TNPO3: variants seen among roughly 807,000 people sequenced by gnomAD.
TNPO3 encodes transportin 3.
In TNPO3, 65 loss-of-function variants were observed where a neutral mutation model predicts 122.8. The ratio of observed to expected loss-of-function variants is 0.53; its 90% confidence interval spans 0.43 to 0.65. The LOEUF is 0.65. Among genes scored for constraint, TNPO3 ranks in the 30% least tolerant of loss-of-function variants. The probability of loss-of-function intolerance (pLI) is 0.00; values close to 1 mark genes in which losing one functional copy is unlikely to be tolerated. For synonymous variants in TNPO3, 372 were observed against 411.2 expected (o/e 0.90, Z 1.15); for missense variants, 850 against 1,136.7 (o/e 0.75, Z 3.63).
intron 11 of TNPO3, among the ~76,000 whole-genome samples, chr7:128,988,683 T>C (rs1191339989): frequency 6.6e-6 from 1 of 152,186 alleles, no homozygotes; most frequent in Non-Finnish European, 1.5e-5. Flanking sequence ...ATCTACTATG[T>C]TTCTTGGTGG....
chr7:129,044,122 T>C (rs1478710609), intron 1 of TNPO3, among the ~76,000 whole-genome samples: 1 of 152,242 alleles, frequency 6.6e-6, no homozygotes, highest in African/African-American at 2.4e-5. Flanking sequence ...TGAATGCTTA[T>C]TTATATAAAA....
chr7:128,991,541 G>T (rs1401836684), intron 10 of TNPO3, among the ~76,000 whole-genome samples: 1 of 152,168 alleles, frequency 6.6e-6, no homozygotes, highest in Non-Finnish European at 1.5e-5. Flanking sequence ...TTGCCCTTTA[G>T]ATCTGGCTCT....
intron 14 of TNPO3, among the ~76,000 whole-genome samples, chr7:128,980,883 G>C (rs1799562199): frequency 6.6e-6 from 1 of 152,056 alleles, no homozygotes; most frequent in Non-Finnish European, 1.5e-5. Context: ...AGATGTTGTA[G>C]TTCTAGTTTG....
At chr7:129,027,681 G>A (rs1295925269) in intron 1 of TNPO3, among the ~76,000 whole-genome samples, 2 of 150,486 alleles carry the variant, frequency 1.3e-5, no homozygotes, top group African/African-American at 4.9e-5. Context: ...CCAGAAAGAA[G>A]GGAATGGAAG....
intron 4 of TNPO3, among the ~76,000 whole-genome samples, chr7:129,012,302 A>G (rs1476323356): frequency 1.3e-5 from 2 of 152,130 alleles, no homozygotes; most frequent in Non-Finnish European, 2.9e-5. Flanking sequence ...CACTGCACCC[A>G]GCCCTCCAAT....
chr7:129,003,318 T>TTAA (rs1802206139), intron 5 of TNPO3, among the ~76,000 whole-genome samples: 2 of 146,354 alleles, frequency 1.4e-5, no homozygotes, highest in African/African-American at 2.6e-5. Flanking sequence ...TTTTTTTTTT[T>TTAA]AAGAGCTGTT....
chr7:128,981,491 A>C (rs561774347), intron 14 of TNPO3, among the ~76,000 whole-genome samples: 1 of 152,300 alleles, frequency 6.6e-6, no homozygotes, highest in South Asian at 2.1e-4. Flanking sequence ...TGGTTCTGAA[A>C]GTATGGTCTC....
intron 1 of TNPO3, among the ~76,000 whole-genome samples, chr7:129,053,857 TA>T (rs2150582387): frequency 6.6e-6 from 1 of 152,196 alleles, no homozygotes; most frequent in Admixed American, 6.5e-5. Context: ...GTGTGAAAAT[TA>T]GGGCAGGAAG....
intron 11 of TNPO3, 147 bp from the exon 12 acceptor site, chr7:128,987,067 A>T: frequency 1.3e-6 from 1 of 771,130 alleles, no homozygotes; most frequent in Non-Finnish European, 2.0e-6. Context: ...ACAATAAATA[A>T]AACACATAAA....
In TNPO3 at chr7:129,001,102, C is replaced by G. The variant is rs1801898650; in HGVS notation, c.829G>C (p.Glu277Gln). 1 of 1,614,032 alleles carries G rather than the reference C, an allele frequency of 6.2e-7. No homozygotes were observed. Among genetic ancestry groups the G allele is most frequent in the Non-Finnish European group, 8.5e-7 (1 of 1,180,004 alleles). The change falls in exon 6 of 23, where the codon GAG becomes CAG. Residue 277 changes from glutamate (E) to glutamine (Q), a missense_variant. Coordinates refer to ENST00000265388, the MANE Select transcript of TNPO3 (RefSeq NM_012470.4). ...MQLFQGVLTL[E>Q]TAYHMAVARE... Reference sequence around the variant, plus strand: ...GCCACGGCCATATGATAGGCAGTCTCCAATGTCAGCACTCCCTGAAAAAGT... The same window carrying G: ...GCCACGGCCATATGATAGGCAGTCTGCAATGTCAGCACTCCCTGAAAAAGT...
chr7:129,022,661 TTTA>T (rs1266281220), intron 1 of TNPO3, among the ~76,000 whole-genome samples: 3 of 152,032 alleles, frequency 2.0e-5, no homozygotes, highest in African/African-American at 7.2e-5. Context: ...GAGCAACTGA[TTTA>T]TAAAGGAAAA....
At chr7:128,986,190 C>A (rs1386368709) in intron 12 of TNPO3, among the ~76,000 whole-genome samples, 1 of 152,194 alleles carries the variant, frequency 6.6e-6, no homozygotes, top group Non-Finnish European at 1.5e-5. Context: ...AAAGGCTGTT[C>A]TAAGTCTTTT....
chr7:129,043,935 T>A (rs1379714265), intron 1 of TNPO3, among the ~76,000 whole-genome samples: 1 of 152,208 alleles, frequency 6.6e-6, no homozygotes, highest in Non-Finnish European at 1.5e-5. Context: ...TCAACACTGG[T>A]CTCTATTTCT....
At chr7:129,009,922 C>A (rs1258841) in intron 4 of TNPO3, among the ~76,000 whole-genome samples, 4,749 of 151,990 alleles carry the variant, frequency 0.031, 249 homozygotes, top group African/African-American at 0.11. Flanking sequence ...AGGAAACTGA[C>A]TGGTAAAGAA....
intron 10 of TNPO3, 82 bp downstream of exon 10, chr7:128,991,917 C>T (rs991077310): frequency 1.2e-5 from 11 of 940,586 alleles, no homozygotes; most frequent in Admixed American, 7.3e-5. Flanking sequence ...CAGGTATATA[C>T]CATATAAGAA....
chr7:129,009,346 G>T (rs756156042), intron 4 of TNPO3, among the ~76,000 whole-genome samples: 1 of 152,220 alleles, frequency 6.6e-6, no homozygotes, highest in Non-Finnish European at 1.5e-5. Flanking sequence ...AATCATTAAA[G>T]GAGAGTGTGC....
rs181409602 is a variant in TNPO3, at chr7:129,034,568, G to T, written c.121-16411C>A. ...CTTAGAATCTGCTCAATTACTTTTT[G>T]AATTTCAAAGAGATCTGTCCCTGTC... On this transcript the variant is annotated intron_variant, in intron 1 of 22. Coordinates refer to ENST00000265388, the MANE Select transcript of TNPO3 (RefSeq NM_012470.4). Among the ~76,000 whole-genome samples, 136 of 151,876 alleles carry T rather than the reference G, an allele frequency of 9.0e-4. 1 individual carries two copies. The Middle Eastern group carries it at 0.02, about 23-fold the overall frequency.
chr7:129,044,548 T>C (rs1807795253), intron 1 of TNPO3, among the ~76,000 whole-genome samples: 1 of 152,230 alleles, frequency 6.6e-6, no homozygotes, highest in Non-Finnish European at 1.5e-5. Flanking sequence ...TAAGAGTATG[T>C]ACATAACAAA....
chr7:129,005,763 C>G (rs1026048422), intron 4 of TNPO3, among the ~76,000 whole-genome samples: 1 of 150,844 alleles, frequency 6.6e-6, no homozygotes, highest in African/African-American at 2.4e-5. Context: ...TACCCAGTTT[C>G]AGGTATTTCT....
Sources: allele counts gnomAD v4.1 joint callset (sites outside exome capture counted in the v4.1 genomes callset), GRCh38; gene constraint gnomAD v4.1.1; transcripts MANE v1.5; gene names NCBI Gene and HGNC (gene_info 2026-07-23, HGNC 2026-07-21).